The following FAM171A2 variants were observed in gnomAD, a reference collection of about 807,000 sequenced individuals.
FAM171A2 encodes the protein protein FAM171A2.
A neutral mutation model predicts 34.2 loss-of-function variants in FAM171A2; 13 were observed. The ratio of observed to expected loss-of-function variants is 0.38; its 90% CI spans 0.25 to 0.60. FAM171A2 has a LOEUF of 0.60. FAM171A2 is among the 20% of genes least tolerant of loss of function. FAM171A2 has a pLI of 0.62. For missense variants in FAM171A2, 950 were observed against 1,180.7 expected (o/e 0.80, Z 2.86); for synonymous variants, 475 against 561.2 (o/e 0.85, Z 2.17).
Position 44,359,624 on chromosome 17 carries a change from G to T in FAM171A2, c.394C>A (p.Leu132Ile), listed in dbSNP as rs1256630198. 7 of 1,551,018 alleles carry T rather than the reference G, an allele frequency of 4.5e-6. No homozygotes were observed. The highest frequency in any genetic ancestry group is 4.4e-6 in the Non-Finnish European group (5 of 1,146,950). Residue 132 changes from leucine (L) to isoleucine (I), a missense_variant, in exon 3 of 8, where the codon CTC becomes ATC. Around this residue, in one of 3 missense-constraint regions of FAM171A2, gnomAD observed 752 missense variants for 924.5 expected, o/e 0.81. Transcript: ENST00000293443. ...TGCACCAGGTCCTCATAGAGGATGAGCGTGGCCGGCCGCTCAGGGAGCAGG... is the reference window on the plus strand; with the variant it reads ...TGCACCAGGTCCTCATAGAGGATGATCGTGGCCGGCCGCTCAGGGAGCAGG... ...LYLLPERPATLILYEDLVHIL... is the reference protein window; with the variant it reads ...LYLLPERPATIILYEDLVHIL...
rs1466567999 is a variant in FAM171A2, at chr17:44,363,809, C to A, written c.-95G>T. ...CCCAGCTCTGCGCCGCGCCTCGCAG[C>A]TCCGGCTCCCGCTCCCGCTGCGGCG... On this transcript the variant is annotated 5_prime_UTR_variant, in exon 1 of 8. Coordinates refer to ENST00000293443, the MANE Select transcript of FAM171A2 (RefSeq NM_198475.3). The A allele has an allele frequency of 4.0e-6, 2 of 495,282 alleles. No homozygotes were observed. The highest frequency in any genetic ancestry group is 5.9e-6 in the Non-Finnish European group (2 of 339,190). The allele number at this position is 495,282 out of a possible 1,614,324, so 30.7% of individuals were successfully genotyped here. A position where few individuals can be genotyped will look rare whatever the true frequency, so the allele number is the denominator to read the frequency against.
intron 2 of FAM171A2, 55 bp downstream of exon 2, chr17:44,359,850 G>C: frequency 1.4e-6 from 2 of 1,473,548 alleles, no homozygotes; most frequent in African/African-American, 1.4e-5. Context: ...ATTTTGGGAA[G>C]GGGCTGATGG....
chr17:44,359,840 A>G, intron 2 of FAM171A2, 65 bp downstream of exon 2: 1 of 1,460,994 alleles, frequency 6.8e-7, no homozygotes. Flanking sequence ...CAAGGAGACT[A>G]TTTTGGGAAG....
chr17:44,363,793 G>T lies in FAM171A2; in HGVS notation c.-79C>A. 1.6e-6 allele frequency: 1 copy of T among 623,240 alleles called. No homozygotes were observed. Among genetic ancestry groups the T allele is most frequent in the Non-Finnish European group, 2.2e-6 (1 of 451,666 alleles). The allele number at this position is 623,240 out of a possible 1,614,324, so 38.6% of individuals were successfully genotyped here. ...CCCGGCCCCGCGCAGCCCCAGCTCT[G>T]CGCCGCGCCTCGCAGCTCCGGCTCC... On this transcript the variant is annotated 5_prime_UTR_variant, in exon 1 of 8. Transcript: ENST00000293443.
rs1598367074 is a variant in FAM171A2, at chr17:44,353,507, A to C, written c.*226T>G. 13 of 228,736 alleles carry C rather than the reference A, an allele frequency of 5.7e-5. No homozygotes were observed. The highest frequency in any genetic ancestry group is 1.8e-4 in the East Asian group (2 of 10,888). 14.2% of individuals were successfully genotyped at this position (228,736 alleles called of 1,614,324 possible). A position where few individuals can be genotyped will look rare whatever the true frequency, so the allele number is the denominator to read the frequency against. ...CTTCCCCCCAGCCCTCCTCCCCGGCACCTCCCCGTGGGGGTCTGGACCCCC... is the reference window on the plus strand; with the variant it reads ...CTTCCCCCCAGCCCTCCTCCCCGGCCCCTCCCCGTGGGGGTCTGGACCCCC... On this transcript the variant is annotated 3_prime_UTR_variant, in exon 8 of 8. Transcript: ENST00000293443.
Position 44,354,316 on chromosome 17 carries a change from TC to T in FAM171A2, c.1897del (p.Glu633SerfsTer5). ...NESTMAQLNGELQALTEKKLL... is the reference protein window; with the variant it reads ...NESTMAQLNGXLQALTEKKLL... ...CTTCTTCTCGGTCAGGGCCTGCAGCTCCCCGTTGAGCTGCGCCATGGTGGAC... is the reference window on the plus strand; with the variant it reads ...CTTCTTCTCGGTCAGGGCCTGCAGCTCCCGTTGAGCTGCGCCATGGTGGAC... On this transcript the variant is annotated frameshift_variant, in exon 8 of 8. Transcript: ENST00000293443. LOFTEE classifies it low-confidence loss of function (END_TRUNC). The surrounding 1 kb of genome is among the most constrained non-coding windows in gnomAD (Gnocchi z 5.8). 6.9e-7 allele frequency: 1 copy of T among 1,446,880 alleles called. No homozygotes were observed. The highest frequency in any genetic ancestry group is 9.2e-7 in the Non-Finnish European group (1 of 1,089,394). The allele number at this position is 1,446,880 out of a possible 1,614,324, so 89.6% of individuals were successfully genotyped here. A position where few individuals can be genotyped will look rare whatever the true frequency, so the allele number is the denominator to read the frequency against.
In FAM171A2 at chr17:44,354,774, G is replaced by A; in HGVS notation, c.1440C>T (p.Pro480=). The A allele has an allele frequency of 7.7e-7, 1 of 1,301,636 alleles. No individual in the cohort carries two copies. Among genetic ancestry groups the A allele is most frequent in the Non-Finnish European group, 9.8e-7 (1 of 1,024,734 alleles). 80.6% of individuals were successfully genotyped at this position (1,301,636 alleles called of 1,614,324 possible). The change falls in exon 8 of 8, where the codon CCC becomes CCT. Residue 480 remains proline (P), a synonymous_variant. Transcript: ENST00000293443. This position sits in a 1 kb window ranked among gnomAD's most constrained non-coding sequence, Gnocchi z 5.8. ...CCTTGTGGCCCAGGTAGTGGTCGAA[G>A]GGCGGCGGCGGCGAGGGCGGCTCGT... ...FLHEPPSPPP[P]FDHYLGHKGA... is the part of the protein sequence containing the mutation.
At chr17:44,358,640 G>A (rs1282979717) in intron 3 of FAM171A2, among the ~76,000 whole-genome samples, 5 of 151,910 alleles carry the variant, frequency 3.3e-5, no homozygotes, top group African/African-American at 1.2e-4. Context: ...GCAGTGAGCC[G>A]AGGTTATACC....
chr17:44,353,888 C>T lies in FAM171A2; in HGVS notation c.2326G>A (p.Asp776Asn). The change falls in exon 8 of 8, where the codon GAC becomes AAC. Residue 776 changes from aspartate to asparagine, a missense_variant. By Grantham distance (23) the Asp-to-Asn change is conservative. Around this residue, in one of 3 missense-constraint regions of FAM171A2, gnomAD observed 191 missense variants for 222.8 expected, o/e 0.86. Coordinates refer to ENST00000293443, the MANE Select transcript of FAM171A2 (RefSeq NM_198475.3). ...TCGCTGGCGCTGCTGCGGGAGCTGTCCCCGCGGCTGCGGCCCCGCCCCCGG... is the reference window on the plus strand; with the variant it reads ...TCGCTGGCGCTGCTGCGGGAGCTGTTCCCGCGGCTGCGGCCCCGCCCCCGG... Reference protein sequence around the residue: ...VPRGRGRSRGDSSRSSASELR... With the variant: ...VPRGRGRSRGNSSRSSASELR... The T allele has an allele frequency of 7.6e-7, 1 of 1,315,050 alleles. No individual in the cohort carries two copies. The highest frequency in any genetic ancestry group is 9.6e-7 in the Non-Finnish European group (1 of 1,036,454). The allele number at this position is 1,315,050 out of a possible 1,614,324, so 81.5% of individuals were successfully genotyped here.
chr17:44,363,552 G>A (rs2048457040), intron 1 of FAM171A2, 45 bp downstream of exon 1: 1 of 975,566 alleles, frequency 1.0e-6, no homozygotes, highest in Non-Finnish European at 1.3e-6. Flanking sequence ...AGCCTGATCA[G>A]GGGGCGCAGG....
intron 1 of FAM171A2, among the ~76,000 whole-genome samples, chr17:44,362,771 G>A (rs1488627437): frequency 6.6e-6 from 1 of 152,144 alleles, no homozygotes; most frequent in East Asian, 1.9e-4. Flanking sequence ...AGATGAGGAG[G>A]GGGTGATATG....
rs909680833 is a variant in FAM171A2 at position 44,353,618 on chromosome 17, G to GC, written c.*114dup. On this transcript the variant is annotated 3_prime_UTR_variant, in exon 8 of 8. Coordinates refer to ENST00000293443, the MANE Select transcript of FAM171A2 (RefSeq NM_198475.3). The stretch of plus-strand genomic sequence containing the variant: ...CACGGAACAGCTCCAAGGCCCCTGG[G>GC]CCCCTCTCCGGCCTGGGGCTGGGAG... 2 of 786,856 alleles carry GC rather than the reference G, an allele frequency of 2.5e-6. No individual in the cohort carries two copies. The highest frequency in any genetic ancestry group is 3.7e-5 in the African/African-American group (2 of 54,490). 48.7% of individuals were successfully genotyped at this position (786,856 alleles called of 1,614,324 possible). A position where few individuals can be genotyped will look rare whatever the true frequency, so the allele number is the denominator to read the frequency against.
Position 44,355,274 on chromosome 17 carries a change from G to C in FAM171A2, c.1023-83C>G. 1 of 1,506,822 alleles carries C rather than the reference G, an allele frequency of 6.6e-7. No homozygotes were observed. Among genetic ancestry groups the C allele is most frequent in the Non-Finnish European group, 8.8e-7 (1 of 1,131,274 alleles). 93.3% of individuals were successfully genotyped at this position (1,506,822 alleles called of 1,614,324 possible). ...CCGAACCCCCTTAGATGCAAGACAA[G>C]AGACGAATATAGTGGAAGAGGTGGG... is the stretch of plus-strand genomic sequence containing the variant. On this transcript the variant is annotated intron_variant, in intron 7 of 7. Transcript: ENST00000293443. This position sits in a 1 kb window ranked among gnomAD's most constrained non-coding sequence, Gnocchi z 4.1.
intron 1 of FAM171A2, among the ~76,000 whole-genome samples, chr17:44,363,148 C>G (rs1270838941): frequency 3.9e-5 from 6 of 152,032 alleles, no homozygotes; most frequent in Admixed American, 1.3e-4. Context: ...TCCAGGCTCC[C>G]AGCCTCCGGT....
chr17:44,362,901 G>C (rs2143389809), intron 1 of FAM171A2, among the ~76,000 whole-genome samples: 1 of 152,274 alleles, frequency 6.6e-6, no homozygotes, highest in Non-Finnish European at 1.5e-5. Context: ...ACGACCACAA[G>C]CCTGCCATGC....
intron 2 of FAM171A2, 23 bp downstream of exon 2, chr17:44,359,882 C>A (rs577670606): frequency 2.1e-5 from 32 of 1,510,194 alleles, no homozygotes; most frequent in African/African-American, 2.1e-4. Flanking sequence ...CTGTCCCCCC[C>A]CTCCACCTGC....
Position 44,353,503 on chromosome 17 carries a change from C to A in FAM171A2, c.*230G>T. On this transcript the variant is annotated 3_prime_UTR_variant, in exon 8 of 8. Transcript: ENST00000293443. ...ACTGCTTCCCCCCAGCCCTCCTCCC[C>A]GGCACCTCCCCGTGGGGGTCTGGAC... is the stretch of plus-strand genomic sequence containing the variant. 3.9e-6 allele frequency: 1 copy of A among 255,330 alleles called. No homozygotes were observed. The allele number at this position is 255,330 out of a possible 1,614,324, so 15.8% of individuals were successfully genotyped here.
chr17:44,356,334 T>C lies in FAM171A2; in HGVS notation c.617A>G (p.Glu206Gly). 3 of 1,546,252 alleles carry C rather than the reference T, an allele frequency of 1.9e-6. No individual in the cohort carries two copies. Among genetic ancestry groups the C allele is most frequent in the Non-Finnish European group, 2.6e-6 (3 of 1,143,254 alleles). ...ASSSGNGSWL[E>G]LMPLTAVSVH... ...GCTCACAGCAGTCAGGGGCATCAGCTCCAGCCAGGAGCCATTGCCTGAGGG... is the reference window on the plus strand; with the variant it reads ...GCTCACAGCAGTCAGGGGCATCAGCCCCAGCCAGGAGCCATTGCCTGAGGG... The change falls in exon 5 of 8, where the codon GAG (glutamate) becomes GGG (glycine). Residue 206 changes from glutamate to glycine, a missense_variant. By Grantham distance (98) the Glu-to-Gly change is moderately conservative. Transcript: ENST00000293443.
At chr17:44,359,773 C>A (rs1258678696) in intron 2 of FAM171A2, 102 bp from the exon 3 acceptor site, 3 of 1,342,130 alleles carry the variant, frequency 2.2e-6, no homozygotes, top group Non-Finnish European at 3.1e-6. Flanking sequence ...CTCCCTCAGC[C>A]CCCTCTGTGT....
Sources: gnomAD v4.1 joint callset for allele counts (sites outside exome capture counted in the v4.1 genomes callset) on GRCh38, gnomAD v4.1.1 for gene constraint, gnomAD v4.1.1 regional missense constraint, Gnocchi (gnomAD v3.1) non-coding constraint, MANE v1.5 for transcripts, NCBI Gene and HGNC (gene_info 2026-07-23, HGNC 2026-07-21) for gene names.